FER1L6: variants seen among roughly 807,000 people sequenced by gnomAD.
FER1L6 encodes the protein fer-1-like protein 6.
Under a neutral mutation model 219.2 loss-of-function variants are expected in FER1L6, and 177 were observed. That is an observed-to-expected ratio of 0.81 (90% CI 0.71 to 0.91). The LOEUF (loss-of-function observed/expected upper bound fraction) is 0.91, where lower values mean the gene tolerates loss of function less well. FER1L6 is among the 40% of genes least tolerant of loss of function. The pLI is 0.00. For missense variants in FER1L6, 2,153 were observed against 2,259.9 expected (o/e 0.95, Z 0.96); for synonymous variants, 768 against 824.3 (o/e 0.93, Z 1.17).
intron 11 of FER1L6, among the ~76,000 whole-genome samples, chr8:123,982,537 T>C (rs1816369951): frequency 6.6e-6 from 1 of 152,206 alleles, no homozygotes; most frequent in Non-Finnish European, 1.5e-5. Context: ...CCTCTCTTCA[T>C]CTTGGCTTCT....
At chr8:124,097,923 C>A in intron 37 of FER1L6, 40 bp downstream of exon 37, 1 of 1,070,634 alleles carries the variant, frequency 9.3e-7, no homozygotes, top group Non-Finnish European at 1.5e-6. Context: ...ATTTCCTTCC[C>A]TCCTCACCTT....
rs773590832 is a variant in FER1L6 at position 123,963,285 on chromosome 8, A to G, written c.84A>G (p.Gln28=). Residue 28 remains glutamine, a synonymous_variant, in exon 3 of 41, where the codon CAA becomes CAG. Transcript: ENST00000522917. ...ILANKAAKDS[Q]GDTEALQEEP... ...CTTTGTTTGCTTCTCCAGATAGTCAAGGTGACACTGAAGCACTGCAGGAGG... is the reference window on the plus strand; with the variant it reads ...CTTTGTTTGCTTCTCCAGATAGTCAGGGTGACACTGAAGCACTGCAGGAGG... 1.2e-6 allele frequency: 2 copies of G among 1,613,918 alleles called. No individual in the cohort carries two copies. Among genetic ancestry groups the G allele is most frequent in the Non-Finnish European group, 1.7e-6 (2 of 1,179,932 alleles).
intron 19 of FER1L6, chr8:124,036,276 G>A (rs758608821): frequency 2.6e-5 from 4 of 152,172 alleles, no homozygotes; most frequent in Non-Finnish European, 4.4e-5. Flanking sequence ...CAGTGGAATC[G>A]AAGTTGCTCA....
chr8:124,082,242 G>A, intron 32 of FER1L6, 46 bp from the exon 33 acceptor site: 1 of 1,539,286 alleles, frequency 6.5e-7, no homozygotes, highest in Non-Finnish European at 8.9e-7. Context: ...GGTTCCCTGT[G>A]TCACCAAATG....
At chr8:123,887,503 A>T (rs931006803) in intron 1 of FER1L6, among the ~76,000 whole-genome samples, 2 of 152,186 alleles carry the variant, frequency 1.3e-5, no homozygotes, top group Non-Finnish European at 2.9e-5. Flanking sequence ...GACTTGGAAG[A>T]ACTGCCTTTG....
intron 1 of FER1L6, among the ~76,000 whole-genome samples, chr8:123,942,155 G>A (rs1350630750): frequency 6.6e-6 from 1 of 152,104 alleles, no homozygotes; most frequent in East Asian, 1.9e-4. Flanking sequence ...TGCCTTGGGA[G>A]CTACTATTTA....
chr8:124,049,878 G>A (rs1180740302), intron 22 of FER1L6, 122 bp downstream of exon 22: 2 of 1,003,470 alleles, frequency 2.0e-6, no homozygotes, highest in Non-Finnish European at 1.5e-6. Flanking sequence ...ACATCTGAAT[G>A]TGTCTCCTGG....
intron 1 of FER1L6, among the ~76,000 whole-genome samples, chr8:123,915,575 T>C (rs1813162715): frequency 6.6e-6 from 1 of 152,152 alleles, no homozygotes; most frequent in African/African-American, 2.4e-5. Flanking sequence ...GAATATGGTA[T>C]TTCACTAGGC....
chr8:123,921,828 G>T (rs1302860472), intron 1 of FER1L6, among the ~76,000 whole-genome samples: 2 of 152,098 alleles, frequency 1.3e-5, no homozygotes, highest in Non-Finnish European at 2.9e-5. Flanking sequence ...CAGGAAAGGG[G>T]TTAGTGTAGA....
Position 123,980,484 on chromosome 8 carries a change from G to A in FER1L6, c.1083G>A (p.Gly361=). Reference sequence around the variant, plus strand: ...CTCTAGGCTTTCTGCCCACCTTTGGGCCTGCCTGGATTAACCTGTATGGCT... The same window carrying A: ...CTCTAGGCTTTCTGCCCACCTTTGGACCTGCCTGGATTAACCTGTATGGCT... ...DGDKGFLPTF[G]PAWINLYGSP... is the part of the protein sequence containing the mutation. Residue 361 remains glycine, a synonymous_variant, in exon 11 of 41, where the codon GGG becomes GGA. Coordinates refer to ENST00000522917, the MANE Select transcript of FER1L6 (RefSeq NM_001039112.2). The A allele has an allele frequency of 1.9e-6, 3 of 1,613,228 alleles. No homozygotes were observed. The African/African-American group carries it at 4.0e-5, about 22-fold the overall frequency.
intron 39 of FER1L6, among the ~76,000 whole-genome samples, chr8:124,106,328 CAAAAAAAAAAAAAAA>C (rs71289636): frequency 1.3e-4 from 8 of 63,850 alleles, no homozygotes; most frequent in East Asian, 1.3e-3. Flanking sequence ...GACTCTGTCT[CAAAAAAAAAAAAAAA>C]AAAAAAAAAA....
At chr8:124,026,368 G>A (rs1818706751) in intron 18 of FER1L6, among the ~76,000 whole-genome samples, 1 of 152,134 alleles carries the variant, frequency 6.6e-6, no homozygotes, top group South Asian at 2.1e-4. Flanking sequence ...TACTAACTCA[G>A]GGAGGGTGAA....
intron 2 of FER1L6, among the ~76,000 whole-genome samples, chr8:123,956,354 G>A (rs550707955): frequency 1.8e-4 from 28 of 152,364 alleles, no homozygotes; most frequent in Admixed American, 5.9e-4. Context: ...GTCCTGTGAC[G>A]TAGGATGAGT....
chr8:123,895,818 T>C (rs1812732986), intron 1 of FER1L6, among the ~76,000 whole-genome samples: 1 of 152,188 alleles, frequency 6.6e-6, no homozygotes, highest in African/African-American at 2.4e-5. Context: ...TCTCGCCCAT[T>C]GCTCAGCTCA....
intron 31 of FER1L6, among the ~76,000 whole-genome samples, chr8:124,074,193 C>T (rs2130882361): frequency 6.6e-6 from 1 of 152,290 alleles, no homozygotes; most frequent in East Asian, 1.9e-4. Flanking sequence ...TAGAATCAGA[C>T]TTTACTCTCA....
In FER1L6 at chr8:124,039,926, G is replaced by A; in HGVS notation, c.2509G>A (p.Gly837Ser). Residue 837 changes from glycine to serine, a missense_variant, in exon 20 of 41, where the codon GGC (glycine) becomes AGC (serine). Coordinates refer to ENST00000522917, the MANE Select transcript of FER1L6 (RefSeq NM_001039112.2). ...QLRAHMYQAR[G>S]LIAADSNGLS... ...GAGGGCTCACATGTACCAAGCCCGG[G>A]GCCTCATCGCAGCTGACAGCAATGG... 6.2e-7 allele frequency: 1 copy of A among 1,614,114 alleles called. No homozygotes were observed. Among genetic ancestry groups the A allele is most frequent in the Non-Finnish European group, 8.5e-7 (1 of 1,180,004 alleles).
At chr8:124,066,930 C>T (rs73703917) in intron 27 of FER1L6, among the ~76,000 whole-genome samples, 1 of 152,046 alleles carries the variant, frequency 6.6e-6, no homozygotes, top group Non-Finnish European at 1.5e-5. Context: ...TCTAAGGACC[C>T]CAAGTCTTCA....
chr8:124,082,565 G>C (rs2130914387), intron 33 of FER1L6, 107 bp downstream of exon 33: 1 of 1,053,434 alleles, frequency 9.5e-7, no homozygotes, highest in East Asian at 2.4e-5. Flanking sequence ...GCCAGACCAG[G>C]CTCAGCTTTA....
At chr8:124,063,579 A>G (rs955435811) in intron 25 of FER1L6, among the ~76,000 whole-genome samples, 9 of 152,144 alleles carry the variant, frequency 5.9e-5, no homozygotes, top group African/African-American at 1.9e-4. Flanking sequence ...TTTCTCATAA[A>G]CCAAGTTGTC....
Sources: allele counts gnomAD v4.1 joint callset (sites outside exome capture counted in the v4.1 genomes callset), GRCh38; gene constraint gnomAD v4.1.1; transcripts MANE v1.5; gene names NCBI Gene and HGNC (gene_info 2026-07-23, HGNC 2026-07-21).